NCOA7: variants seen among roughly 807,000 people sequenced by gnomAD.
NCOA7 encodes the protein 140 kDa estrogen receptor-associated protein.
A neutral mutation model predicts 104.3 loss-of-function variants in NCOA7; 45 were observed. The observed-to-expected ratio is 0.43, with a 90% CI of 0.34 to 0.55. The LOEUF is 0.55. Ranked by LOEUF, NCOA7 falls within the 20% of genes least tolerant of loss-of-function variation. The pLI, the probability that NCOA7 is intolerant of heterozygous loss-of-function variation, is 0.02. For synonymous variants in NCOA7, 398 were observed against 402.3 expected (o/e 0.99, Z 0.13); for missense variants, 1,041 against 1,119.7 (o/e 0.93, Z 1.00).
chr6:125,802,205 C>G (rs1203494696), intron 1 of NCOA7: 1 of 152,122 alleles, frequency 6.6e-6, no homozygotes, highest in African/African-American at 2.4e-5. Context: ...ATTTGTGGAT[C>G]AGGATGGTTC....
intron 2 of NCOA7, among the ~76,000 whole-genome samples, chr6:125,832,174 A>G (rs530871312): frequency 2.0e-5 from 3 of 152,188 alleles, no homozygotes; most frequent in Non-Finnish European, 4.4e-5. Flanking sequence ...AATTAATCCA[A>G]ATCTACAAAA....
chr6:125,824,148 C>G (rs1304062306), intron 2 of NCOA7, among the ~76,000 whole-genome samples: 2 of 152,026 alleles, frequency 1.3e-5, no homozygotes, highest in Non-Finnish European at 2.9e-5. Context: ...CATAAAGTGC[C>G]TGTTCAGTAA....
chr6:125,896,730 T>G (rs1489035479), intron 10 of NCOA7, among the ~76,000 whole-genome samples: 1 of 152,188 alleles, frequency 6.6e-6, no homozygotes, highest in African/African-American at 2.4e-5. Context: ...ATGCTGAGGC[T>G]GCAGTGAGCT....
At chr6:125,877,702 A>G (rs1783495690) in intron 4 of NCOA7, among the ~76,000 whole-genome samples, 1 of 152,186 alleles carries the variant, frequency 6.6e-6, no homozygotes, top group African/African-American at 2.4e-5. Flanking sequence ...GATAGTGAAC[A>G]ATTATTGGTA....
chr6:125,854,958 A>T lies in NCOA7; in HGVS notation c.51-62A>T, dbSNP rs886095369. 48 of 1,153,784 alleles carry T rather than the reference A, an allele frequency of 4.2e-5. No homozygotes were observed. In the Admixed American group the frequency reaches 1.1e-3, roughly 25 times the overall value. 71.5% of individuals were successfully genotyped at this position (1,153,784 alleles called of 1,614,324 possible). A position where few individuals can be genotyped will look rare whatever the true frequency, so the allele number is the denominator to read the frequency against. ...TTCAAAGTCCAGCAGCGTGAAATTA[A>T]TATGATTTCTACCAGCAAATCATCT... On this transcript the variant is annotated intron_variant, in intron 2 of 15. Coordinates refer to ENST00000392477, the MANE Select transcript of NCOA7 (RefSeq NM_181782.5).
At chr6:125,817,603 T>C (rs1777711659) in intron 2 of NCOA7, among the ~76,000 whole-genome samples, 1 of 152,264 alleles carries the variant, frequency 6.6e-6, no homozygotes. Context: ...TTTGCCCATT[T>C]TCTAATTGAA....
At chr6:125,839,410 G>A (rs866447130) in intron 2 of NCOA7, among the ~76,000 whole-genome samples, 16 of 152,072 alleles carry the variant, frequency 1.1e-4, no homozygotes, top group Non-Finnish European at 2.4e-4. Flanking sequence ...CAGCCACTGC[G>A]CGAGGCCTAG....
rs184871424 is a variant in NCOA7 at position 125,813,745 on chromosome 6, T to C, written c.-64-1546T>C. Among the ~76,000 whole-genome samples, 167 of 152,184 alleles carry C rather than the reference T, an allele frequency of 1.1e-3. 2 individuals carry two copies. The highest frequency in any genetic ancestry group is 3.9e-3 in the African/African-American group (161 of 41,522). On this transcript the variant is annotated intron_variant, in intron 1 of 15. Transcript: ENST00000392477. ...GATTACAGGTGTGAGCCCCTGCGCC[T>C]GGCCGGAAATCCATTCTTAACCTAC...
rs183541246 is a variant in NCOA7, at chr6:125,839,552, G to C, written c.51-15468G>C. Among the ~76,000 whole-genome samples the C allele has an allele frequency of 3.3e-5, 5 of 151,990 alleles. No individual in the cohort carries two copies. In the East Asian group the frequency reaches 5.8e-4, roughly 18 times the overall value. ...GGCTAGACCCCATCTAGAAGCTCTC[G>C]AGGCACCTCCCTCCCTCCGCAGCTT... On this transcript the variant is annotated intron_variant, in intron 2 of 15. Coordinates refer to ENST00000392477, the MANE Select transcript of NCOA7 (RefSeq NM_181782.5).
upstream of NCOA7, among the ~76,000 whole-genome samples, chr6:125,789,030 C>T (rs545686478): frequency 1.5e-3 from 233 of 152,296 alleles, 1 homozygote; most frequent in Admixed American, 3.1e-3. Context: ...TCAATGGACA[C>T]TTCCTTCAGA....
In NCOA7 at chr6:125,930,363, TAAC is replaced by T. The variant is rs905606219; in HGVS notation, c.*1595_*1597del. The T allele has an allele frequency of 6.6e-6, 1 of 152,268 alleles. No individual in the cohort carries two copies. 9.4% of individuals were successfully genotyped at this position (152,268 alleles called of 1,614,324 possible). A position where few individuals can be genotyped will look rare whatever the true frequency, so the allele number is the denominator to read the frequency against. On this transcript the variant is annotated 3_prime_UTR_variant, in exon 16 of 16. Coordinates refer to ENST00000392477, the MANE Select transcript of NCOA7 (RefSeq NM_181782.5). ...CAGCGAGACTCTGTCTTAAAAATAA[TAAC>T]AATAATAATAATAATAAAGACTTAC...
intron 3 of NCOA7, among the ~76,000 whole-genome samples, chr6:125,856,531 T>A (rs1781572635): frequency 6.6e-6 from 1 of 152,048 alleles, no homozygotes; most frequent in African/African-American, 2.4e-5. Flanking sequence ...TTTTTGTATA[T>A]TTAGTAGAGA....
At chr6:125,872,913 G>A (rs1783053570) in intron 3 of NCOA7, among the ~76,000 whole-genome samples, 1 of 152,168 alleles carries the variant, frequency 6.6e-6, no homozygotes, top group Non-Finnish European at 1.5e-5. Flanking sequence ...GGTCTCTTTG[G>A]CTCTGTGAAT....
upstream of NCOA7, among the ~76,000 whole-genome samples, chr6:125,788,784 C>T (rs189907115): frequency 0.016 from 2,404 of 150,824 alleles, 65 homozygotes; most frequent in African/African-American, 0.056. Flanking sequence ...CCTCGTGATC[C>T]GCCCGCCTCG....
chr6:125,882,559 G>A lies in NCOA7; in HGVS notation c.699+8G>A, dbSNP rs1220193775. Reference sequence around the variant, plus strand: ...TACTTCACCGATGGAAAGGTATATAGCAATGTAATTTGTTTCCTTTCCTTG... The same window carrying A: ...TACTTCACCGATGGAAAGGTATATAACAATGTAATTTGTTTCCTTTCCTTG... On this transcript the variant is annotated splice_region_variant and intron_variant, in intron 7 of 15. Coordinates refer to ENST00000392477, the MANE Select transcript of NCOA7 (RefSeq NM_181782.5). 1.9e-6 allele frequency: 3 copies of A among 1,609,790 alleles called. No individual in the cohort carries two copies. Among genetic ancestry groups the A allele is most frequent in the South Asian group, 2.2e-5 (2 of 90,306 alleles).
chr6:125,900,476 C>G (rs1033020279), intron 10 of NCOA7, among the ~76,000 whole-genome samples: 7 of 152,154 alleles, frequency 4.6e-5, no homozygotes, highest in Non-Finnish European at 8.8e-5. Flanking sequence ...TTTTGGTGAA[C>G]CAAAGAGTAT....
intron 3 of NCOA7, among the ~76,000 whole-genome samples, chr6:125,856,019 C>T (rs111885187): frequency 2.8e-4 from 43 of 152,216 alleles, no homozygotes; most frequent in Middle Eastern, 3.4e-3. Context: ...GCAGAAGTGG[C>T]GTATCTAGCT....
intron 1 of NCOA7, among the ~76,000 whole-genome samples, chr6:125,784,689 C>A (rs780603421): frequency 9.2e-5 from 14 of 152,064 alleles, no homozygotes; most frequent in Non-Finnish European, 1.6e-4. Context: ...CATCGATATG[C>A]CTTGGAATAT....
At chr6:125,887,112 C>T (rs541021911) in intron 8 of NCOA7, among the ~76,000 whole-genome samples, 1 of 152,282 alleles carries the variant, frequency 6.6e-6, no homozygotes, top group East Asian at 1.9e-4. Flanking sequence ...GGGGAATGGA[C>T]AGTTTGGATT....
Sources: allele counts gnomAD v4.1 joint callset (sites outside exome capture counted in the v4.1 genomes callset), GRCh38; gene constraint gnomAD v4.1.1; transcripts MANE v1.5; gene names NCBI Gene and HGNC (gene_info 2026-07-23, HGNC 2026-07-21).